Variants in NIPAL2 observed in about 807,000 individuals in gnomAD.
NIPAL2 encodes NIPA-like protein 2.
A neutral mutation model predicts 48.9 loss-of-function variants in NIPAL2; 43 were observed. The observed-to-expected ratio is 0.88, with a 90% CI of 0.69 to 1.13. The LOEUF (loss-of-function observed/expected upper bound fraction) is 1.13, where lower values mean the gene tolerates loss of function less well. Ranked by LOEUF, NIPAL2 falls within the 50% of genes most tolerant of loss-of-function variation. The pLI, the probability that NIPAL2 is intolerant of heterozygous loss-of-function variation, is 0.00. For missense variants in NIPAL2, 446 were observed against 461.4 expected, an observed-to-expected ratio of 0.97 and a Z score of 0.31; for synonymous variants, 167 against 174.6, an observed-to-expected ratio of 0.96 and a Z score of 0.34.
intron 1 of NIPAL2, among the ~76,000 whole-genome samples, chr8:98,264,048 G>C (rs1313441823): frequency 6.6e-6 from 1 of 151,374 alleles, no homozygotes; most frequent in Non-Finnish European, 1.5e-5. Context: ...TATCTCAACA[G>C]ATGCAGAAAA....
rs35353680 is a variant in NIPAL2, at chr8:98,266,282, T to TAAA, written c.136-12198_136-12196dup. ...ATGTACCCTAAAACTTAAAGTATAA[T>TAAA]AAAAAAAAAAAGAAAATGAAAAAAA... On this transcript the variant is annotated intron_variant, in intron 1 of 10. Coordinates refer to ENST00000430223, the MANE Select transcript of NIPAL2 (RefSeq NM_001321635.2). 3.0e-3 allele frequency among the ~76,000 whole-genome samples: 434 copies of TAAA among 142,316 alleles called. 2 individuals are homozygous for TAAA. The highest frequency in any genetic ancestry group is 0.011 in the African/African-American group (409 of 38,552). The allele number at this position is 142,316 out of a possible 152,430, so 93.4% of individuals were successfully genotyped here.
chr8:98,277,454 T>C (rs754898757), intron 1 of NIPAL2, among the ~76,000 whole-genome samples: 10 of 152,090 alleles, frequency 6.6e-5, no homozygotes, highest in Non-Finnish European at 1.5e-4. Context: ...GGAGAATCGC[T>C]TGAACCTGGG....
chr8:98,279,043 T>C (rs1217142976), intron 1 of NIPAL2, among the ~76,000 whole-genome samples: 3 of 152,118 alleles, frequency 2.0e-5, no homozygotes, highest in African/African-American at 7.2e-5. Context: ...GATAATCCTC[T>C]GTATAAACTG....
chr8:98,214,057 T>G (rs1438301143), intron 5 of NIPAL2, among the ~76,000 whole-genome samples: 2 of 152,212 alleles, frequency 1.3e-5, no homozygotes, highest in Non-Finnish European at 2.9e-5. Flanking sequence ...AAAGACCTAA[T>G]GTCTAATAAA....
intron 10 of NIPAL2, among the ~76,000 whole-genome samples, chr8:98,194,070 G>A (rs4735539): frequency 0.3 from 46,285 of 152,008 alleles, 8,236 homozygotes; most frequent in South Asian, 0.51. Context: ...CTCCACTCCT[G>A]CCTGGAAACC....
intron 4 of NIPAL2, among the ~76,000 whole-genome samples, chr8:98,229,570 G>T (rs934438482): frequency 3.9e-5 from 6 of 152,080 alleles, no homozygotes; most frequent in South Asian, 2.1e-4. Flanking sequence ...CAGAGATAGG[G>T]TCTGGCCATG....
chr8:98,226,606 TTCTC>T (rs148636631), intron 4 of NIPAL2, among the ~76,000 whole-genome samples: 1 of 150,174 alleles, frequency 6.7e-6, no homozygotes. Context: ...CTCCCTCTCT[TTCTC>T]TCTCTCTCTC....
Position 98,290,498 on chromosome 8 carries a change from G to A in NIPAL2, c.135+3505C>T, listed in dbSNP as rs79663258. ...TCTGTCCATTCTCTCTACAAACTTC[G>A]CTGGTTTGGCTCTTATTTATTCAAC... On this transcript the variant is annotated intron_variant, in intron 1 of 10. Transcript: ENST00000430223. 1.9e-4 allele frequency among the ~76,000 whole-genome samples: 29 copies of A among 152,006 alleles called. No individual in the cohort carries two copies. The East Asian group carries it at 4.4e-3, about 23-fold the overall frequency.
chr8:98,285,889 G>A (rs999389635), intron 1 of NIPAL2, among the ~76,000 whole-genome samples: 2 of 152,160 alleles, frequency 1.3e-5, no homozygotes, highest in Admixed American at 6.5e-5. Flanking sequence ...AACAATTTGA[G>A]AGTTGCAAAG....
In NIPAL2 at chr8:98,247,723, G is replaced by A. The variant is rs116379306; in HGVS notation, c.376+4740C>T. Among the ~76,000 whole-genome samples the A allele has an allele frequency of 3.2e-3, 481 of 152,330 alleles. 1 individual carries two copies. Among genetic ancestry groups the A allele is most frequent in the African/African-American group, 0.011 (454 of 41,566 alleles). On this transcript the variant is annotated intron_variant, in intron 3 of 10. Transcript: ENST00000430223. ...GATGAGAGGAGGGCCTGCGTAGGGTGTGAAGAGAGCAGAGAGTAAGTCTGT... is the reference window on the plus strand; with the variant it reads ...GATGAGAGGAGGGCCTGCGTAGGGTATGAAGAGAGCAGAGAGTAAGTCTGT...
In NIPAL2 at chr8:98,236,211, C is replaced by T; in HGVS notation, c.380G>A (p.Ser127Asn). 6.2e-7 allele frequency: 1 copy of T among 1,600,592 alleles called. No homozygotes were observed. The highest frequency in any genetic ancestry group is 1.7e-5 in the Admixed American group (1 of 58,636). Reference protein sequence around the residue: ...APLGCVSVTGSAIISVTFLKD... With the variant: ...APLGCVSVTGNAIISVTFLKD... ...CAGAAATGTAACAGAAATAATGGCA[C>T]TACCTATAAAGAAAATGGCCATTAG... is the stretch of plus-strand genomic sequence containing the variant. Residue 127 changes from serine to asparagine, a missense_variant, in exon 4 of 11, where the codon AGT (serine) becomes AAT (asparagine). Physicochemically the swap from Ser to Asn is conservative, Grantham distance 46. Coordinates refer to ENST00000430223, the MANE Select transcript of NIPAL2 (RefSeq NM_001321635.2).
At chr8:98,282,243 G>A (rs1369284211) in intron 1 of NIPAL2, among the ~76,000 whole-genome samples, 1 of 152,186 alleles carries the variant, frequency 6.6e-6, no homozygotes, top group African/African-American at 2.4e-5. Context: ...GCAGAGGACT[G>A]CAGTATAGCT....
chr8:98,219,242 G>A (rs1417562400), intron 5 of NIPAL2, among the ~76,000 whole-genome samples: 2 of 152,172 alleles, frequency 1.3e-5, no homozygotes. Flanking sequence ...TAGATCTGGA[G>A]CTCAGGAGGG....
chr8:98,257,836 A>G (rs1329663945), intron 1 of NIPAL2, among the ~76,000 whole-genome samples: 1 of 152,126 alleles, frequency 6.6e-6, no homozygotes, highest in Non-Finnish European at 1.5e-5. Context: ...TGCCAATCAG[A>G]AAAGCTTGAA....
At chr8:98,209,412 C>T (rs1429277031) in intron 6 of NIPAL2, among the ~76,000 whole-genome samples, 2 of 129,786 alleles carry the variant, frequency 1.5e-5, no homozygotes, top group Non-Finnish European at 3.1e-5. Flanking sequence ...AGTTTGCAAC[C>T]AGCCCGGGCA....
chr8:98,222,709 C>T (rs1811962480), intron 4 of NIPAL2, 109 bp from the exon 5 acceptor site: 5 of 1,071,636 alleles, frequency 4.7e-6, no homozygotes, highest in Non-Finnish European at 6.9e-6. Context: ...CCAATCGCCC[C>T]TCCCTATTAT....
At chr8:98,278,032 C>T (rs1342913953) in intron 1 of NIPAL2, among the ~76,000 whole-genome samples, 3 of 152,122 alleles carry the variant, frequency 2.0e-5, no homozygotes, top group Admixed American at 6.5e-5. Context: ...CTGCAAATAT[C>T]TTCATCTTTC....
chr8:98,253,974 C>A, intron 2 of NIPAL2, 45 bp downstream of exon 2: 1 of 1,362,068 alleles, frequency 7.3e-7, no homozygotes. Context: ...CATAATGTGT[C>A]CCTGGATCAA....
chr8:98,235,785 G>A (rs1812678721), intron 4 of NIPAL2, among the ~76,000 whole-genome samples: 1 of 151,486 alleles, frequency 6.6e-6, no homozygotes, highest in African/African-American at 2.4e-5. Flanking sequence ...TAAAGTATTT[G>A]TATTTTAATG....
Sources: gnomAD v4.1 joint callset for allele counts (sites outside exome capture counted in the v4.1 genomes callset) on GRCh38, gnomAD v4.1.1 for gene constraint, MANE v1.5 for transcripts, NCBI Gene and HGNC (gene_info 2026-07-23, HGNC 2026-07-21) for gene names.